Variants in COL11A1 observed in about 807,000 individuals in gnomAD.
The protein encoded by COL11A1 is collagen type XI alpha 1 chain, also known as collagen alpha-1(XI) chain.
A neutral mutation model predicts 265.2 loss-of-function variants in COL11A1; 74 were observed. That is an observed-to-expected ratio of 0.28 (90% CI 0.23 to 0.34). The LOEUF is 0.34. Among genes scored for constraint, COL11A1 ranks in the 10% least tolerant of loss-of-function variants. The pLI, the probability that COL11A1 is intolerant of heterozygous loss-of-function variation, is 1.00. For synonymous variants in COL11A1, 816 were observed against 727.6 expected, an observed-to-expected ratio of 1.12 and a Z score of -1.96; for missense variants, 2,165 against 2,263.6, an observed-to-expected ratio of 0.96 and a Z score of 0.88.
intron 41 of COL11A1, among the ~76,000 whole-genome samples, chr1:102,957,373 A>G (rs1660481618): frequency 6.6e-6 from 1 of 152,104 alleles, no homozygotes; most frequent in Admixed American, 6.5e-5. Flanking sequence ...ACTGTGAGCA[A>G]TAAGGTTAGC....
intron 46 of COL11A1, among the ~76,000 whole-genome samples, chr1:102,924,357 C>T (rs922159444): frequency 6.6e-6 from 1 of 152,208 alleles, no homozygotes; most frequent in East Asian, 1.9e-4. Context: ...TCTATGTCTT[C>T]ACCGAAAAAT....
At chr1:103,001,244 A>G in intron 24 of COL11A1, 2 of 397,476 alleles carry the variant, frequency 5.0e-6, no homozygotes, top group Non-Finnish European at 8.9e-6. Context: ...ACTTAAAACA[A>G]GGGAATATTT....
intron 28 of COL11A1, among the ~76,000 whole-genome samples, chr1:102,991,093 G>C (rs1664083355): frequency 6.6e-6 from 1 of 151,954 alleles, no homozygotes; most frequent in East Asian, 1.9e-4. Context: ...AGTTATTTTG[G>C]TACAGATGAA....
intron 63 of COL11A1, among the ~76,000 whole-genome samples, chr1:102,885,085 T>C (rs2100830055): frequency 6.6e-6 from 1 of 152,264 alleles, no homozygotes; most frequent in South Asian, 2.1e-4. Flanking sequence ...TTAGTATCAT[T>C]AGCTCATACC....
intron 1 of COL11A1, among the ~76,000 whole-genome samples, chr1:103,086,503 G>A (rs1672875278): frequency 6.6e-6 from 1 of 152,162 alleles, no homozygotes. Flanking sequence ...TGCAAGCCCC[G>A]CCTCCCAGGT....
chr1:102,927,964 T>C (rs1161248108), intron 46 of COL11A1, among the ~76,000 whole-genome samples: 1 of 152,132 alleles, frequency 6.6e-6, no homozygotes, highest in Non-Finnish European at 1.5e-5. Context: ...AGGTCGAGTT[T>C]CTCCGGGGAA....
intron 4 of COL11A1, among the ~76,000 whole-genome samples, chr1:103,070,241 T>TAA (rs1671475813): frequency 1.5e-5 from 2 of 129,038 alleles, no homozygotes; most frequent in African/African-American, 5.4e-5. Context: ...AATAATAATA[T>TAA]TAAATACAAT....
intron 4 of COL11A1, among the ~76,000 whole-genome samples, chr1:103,064,552 G>A (rs1168907050): frequency 7.2e-5 from 11 of 151,844 alleles, no homozygotes; most frequent in Admixed American, 3.3e-4. Context: ...TTAGCCAGGC[G>A]TGGTGGTGGG....
At chr1:102,934,672 GT>G in intron 45 of COL11A1, 116 bp from the exon 46 acceptor site, 2 of 812,826 alleles carry the variant, frequency 2.5e-6, no homozygotes, top group Non-Finnish European at 4.2e-6. Context: ...GAATAACCAA[GT>G]AAAAAGTAGA....
chr1:103,076,296 C>A (rs561685233), intron 3 of COL11A1, among the ~76,000 whole-genome samples: 45 of 152,050 alleles, frequency 3.0e-4, no homozygotes, highest in Non-Finnish European at 5.0e-4. Flanking sequence ...TACAAGCTGC[C>A]ATCTCTCACA....
intron 41 of COL11A1, among the ~76,000 whole-genome samples, chr1:102,948,500 A>T (rs1659543750): frequency 6.6e-6 from 1 of 152,048 alleles, no homozygotes; most frequent in East Asian, 1.9e-4. Context: ...CATTGCCAAA[A>T]ATATAATTAA....
chr1:102,965,928 C>A (rs1414581171), intron 37 of COL11A1, among the ~76,000 whole-genome samples: 9 of 152,118 alleles, frequency 5.9e-5, no homozygotes, highest in Non-Finnish European at 1.3e-4. Flanking sequence ...AAATTCACAG[C>A]CTGTGATATT....
At chr1:102,930,340 T>C (rs1002263552) in intron 46 of COL11A1, among the ~76,000 whole-genome samples, 8 of 151,908 alleles carry the variant, frequency 5.3e-5, no homozygotes, top group African/African-American at 1.9e-4. Context: ...TCTGCATCTA[T>C]TGAGATAATC....
intron 4 of COL11A1, among the ~76,000 whole-genome samples, chr1:103,034,582 C>T (rs1224778486): frequency 4.6e-5 from 7 of 152,006 alleles, no homozygotes; most frequent in Non-Finnish European, 5.9e-5. Flanking sequence ...GGTAAGACAA[C>T]ATTGTCATAC....
intron 41 of COL11A1, among the ~76,000 whole-genome samples, chr1:102,961,158 C>T (rs1660868570): frequency 1.3e-5 from 2 of 151,824 alleles, no homozygotes; most frequent in Admixed American, 6.6e-5. Context: ...GGCAGTTTGG[C>T]TGTTATAGTG....
intron 30 of COL11A1, among the ~76,000 whole-genome samples, chr1:102,986,607 T>G (rs1663579420): frequency 6.6e-6 from 1 of 152,056 alleles, no homozygotes; most frequent in African/African-American, 2.4e-5. Flanking sequence ...CATATACATA[T>G]AGAAAAGGAA....
At chr1:102,977,771 T>C (rs2101672582) in intron 35 of COL11A1, among the ~76,000 whole-genome samples, 1 of 152,078 alleles carries the variant, frequency 6.6e-6, no homozygotes, top group South Asian at 2.1e-4. Flanking sequence ...TCATCGAGAG[T>C]GAGAAACATT....
chr1:102,935,580 G>A (rs1234360771), intron 44 of COL11A1, among the ~76,000 whole-genome samples: 1 of 152,146 alleles, frequency 6.6e-6, no homozygotes, highest in Non-Finnish European at 1.5e-5. Flanking sequence ...TTTCACATAT[G>A]CGTACACATG....
chr1:102,978,857 T>A lies in COL11A1; in HGVS notation c.2709+3A>T, dbSNP rs980687675. The A allele has an allele frequency of 6.2e-7, 1 of 1,614,038 alleles. No homozygotes were observed. Among genetic ancestry groups the A allele is most frequent in the Non-Finnish European group, 8.5e-7 (1 of 1,180,016 alleles). On this transcript the variant is annotated splice_donor_region_variant and intron_variant, in intron 34 of 66. Coordinates refer to ENST00000370096, the MANE Select transcript of COL11A1 (RefSeq NM_001854.4). ...ATCCAAACAGAAAAAGTACAGGTGA[T>A]ACCTTTGGCCCAGGTTTCCCAGTGG...
Sources: gnomAD v4.1 joint callset for allele counts (sites outside exome capture counted in the v4.1 genomes callset) on GRCh38, gnomAD v4.1.1 for gene constraint, MANE v1.5 for transcripts, NCBI Gene and HGNC (gene_info 2026-07-23, HGNC 2026-07-21) for gene names.